Variants in SLC22A24 observed in about 807,000 individuals in gnomAD.
SLC22A24 encodes steroid transmembrane transporter SLC22A24.
In SLC22A24, 53 loss-of-function variants were observed where a neutral mutation model predicts 49.8. The observed-to-expected ratio is 1.06, with a 90% CI of 0.85 to 1.34. The LOEUF is 1.34. Among genes scored for constraint, SLC22A24 ranks in the 40% most tolerant of loss-of-function variants. The probability of loss-of-function intolerance (pLI) is 0.00; values close to 1 mark genes in which losing one functional copy is unlikely to be tolerated. For missense variants in SLC22A24, 786 were observed against 675.9 expected (o/e 1.16, Z -1.81); for synonymous variants, 302 against 256.4 (o/e 1.18, Z -1.70).
intron 5 of SLC22A24, among the ~76,000 whole-genome samples, chr11:63,100,783 C>T (rs2134648792): frequency 6.6e-6 from 1 of 152,124 alleles, no homozygotes; most frequent in African/African-American, 2.4e-5. Flanking sequence ...GACAAAGGTA[C>T]TAAGAAAATA....
chr11:63,083,860 A>G (rs1024398085), intron 6 of SLC22A24, among the ~76,000 whole-genome samples: 1 of 152,194 alleles, frequency 6.6e-6, no homozygotes. Flanking sequence ...GATGGAAATT[A>G]GGGGAATAGT....
chr11:63,093,694 T>C (rs116243241), intron 6 of SLC22A24, among the ~76,000 whole-genome samples: 32 of 151,980 alleles, frequency 2.1e-4, no homozygotes, highest in African/African-American at 7.2e-4. Context: ...GCCTACCTAA[T>C]TGGGGAAGGT....
intron 2 of SLC22A24, among the ~76,000 whole-genome samples, chr11:63,122,567 T>C (rs1227944372): frequency 1.3e-5 from 2 of 152,130 alleles, no homozygotes; most frequent in Admixed American, 6.5e-5. Flanking sequence ...CAGGCTGGAG[T>C]GCGGTGGTGC....
intron 5 of SLC22A24, among the ~76,000 whole-genome samples, chr11:63,099,035 C>T (rs1350731244): frequency 6.6e-6 from 1 of 152,046 alleles, no homozygotes; most frequent in African/African-American, 2.4e-5. Context: ...AATTCCTAGT[C>T]ACATGCAACT....
At chr11:63,097,375 T>A (rs2212992) in intron 5 of SLC22A24, among the ~76,000 whole-genome samples, 115,748 of 152,112 alleles carry the variant, frequency 0.76, 44,800 homozygotes, top group East Asian at 0.9. Context: ...CCACAGTAAG[T>A]TACCATCTCA....
chr11:63,085,559 A>G (rs2086982488), intron 6 of SLC22A24, among the ~76,000 whole-genome samples: 1 of 152,196 alleles, frequency 6.6e-6, no homozygotes, highest in African/African-American at 2.4e-5. Flanking sequence ...GCATAGTTCC[A>G]TTTTTTGACT....
intron 1 of SLC22A24, among the ~76,000 whole-genome samples, chr11:63,137,421 G>T (rs2087383207): frequency 6.6e-6 from 1 of 152,054 alleles, no homozygotes; most frequent in Non-Finnish European, 1.5e-5. Context: ...TATTTGTCTG[G>T]TTATATTTGA....
At chr11:63,100,023 G>A (rs2087081119) in intron 5 of SLC22A24, among the ~76,000 whole-genome samples, 1 of 152,060 alleles carries the variant, frequency 6.6e-6, no homozygotes, top group Non-Finnish European at 1.5e-5. Context: ...AAAAAGACAA[G>A]GATGCTCATT....
intron 2 of SLC22A24, among the ~76,000 whole-genome samples, chr11:63,129,735 A>G (rs78691104): frequency 6.6e-6 from 1 of 152,052 alleles, no homozygotes. Context: ...TTCTCTTTGT[A>G]GTAACTGTGG....
At chr11:63,108,002 G>C (rs1334017208) in intron 4 of SLC22A24, among the ~76,000 whole-genome samples, 3 of 152,096 alleles carry the variant, frequency 2.0e-5, no homozygotes, top group Non-Finnish European at 4.4e-5. Flanking sequence ...GGGCATCCCT[G>C]TCTTGTGCCA....
chr11:63,124,994 C>T (rs1042264625), intron 2 of SLC22A24, among the ~76,000 whole-genome samples: 4 of 151,596 alleles, frequency 2.6e-5, no homozygotes, highest in Non-Finnish European at 5.9e-5. Flanking sequence ...AGGAGATATA[C>T]CTAATGCTAA....
chr11:63,116,524 A>G (rs1468874699), intron 4 of SLC22A24, among the ~76,000 whole-genome samples: 1 of 152,096 alleles, frequency 6.6e-6, no homozygotes, highest in Non-Finnish European at 1.5e-5. Flanking sequence ...TGATGGTTTT[A>G]AAAATCTTTC....
At chr11:63,119,554 C>G (rs140590230) in intron 2 of SLC22A24, among the ~76,000 whole-genome samples, 218 of 152,270 alleles carry the variant, frequency 1.4e-3, no homozygotes, top group African/African-American at 4.8e-3. Context: ...CTCACCAAAC[C>G]ATCACTGGAA....
rs2087434595 is a variant in SLC22A24, at chr11:63,143,893, A to G, written c.-114T>C. ...ACCATAGTGCCATGTGGATCCTGAC[A>G]CTGCTTTCTTCTTGGTGGGCCCTGC... On this transcript the variant is annotated 5_prime_UTR_variant, in exon 1 of 10. Transcript: ENST00000612278. 3.4e-6 allele frequency: 3 copies of G among 888,034 alleles called. No homozygotes were observed. The highest frequency in any genetic ancestry group is 3.5e-5 in the African/African-American group (2 of 57,026). 55.0% of individuals were successfully genotyped at this position (888,034 alleles called of 1,614,324 possible).
intron 6 of SLC22A24, among the ~76,000 whole-genome samples, chr11:63,089,111 G>T (rs1044380374): frequency 7.9e-5 from 12 of 152,172 alleles, no homozygotes; most frequent in South Asian, 2.1e-4. Context: ...CAAACCCCAA[G>T]ACACATAATT....
chr11:63,094,430 A>G (rs1252372318), intron 6 of SLC22A24, among the ~76,000 whole-genome samples: 1 of 152,030 alleles, frequency 6.6e-6, no homozygotes, highest in African/African-American at 2.4e-5. Context: ...GAATAGTGCC[A>G]CAATAAACAT....
intron 4 of SLC22A24, among the ~76,000 whole-genome samples, chr11:63,106,601 A>T (rs2087123286): frequency 1.3e-5 from 2 of 152,100 alleles, no homozygotes; most frequent in Non-Finnish European, 2.9e-5. Context: ...TTGTTTCCTG[A>T]CTTTTTAATG....
chr11:63,083,522 A>G (rs2086971552), intron 6 of SLC22A24, 65 bp from the exon 7 acceptor site: 4 of 1,336,540 alleles, frequency 3.0e-6, no homozygotes, highest in African/African-American at 2.9e-5. Context: ...ACATTTTCTG[A>G]GATTTTGAAG....
intron 2 of SLC22A24, among the ~76,000 whole-genome samples, chr11:63,132,751 A>C (rs1565044291): frequency 6.6e-6 from 1 of 152,278 alleles, no homozygotes; most frequent in Non-Finnish European, 1.5e-5. Flanking sequence ...GTCAGGCTAC[A>C]TGGGGGCCAG....
Sources: allele counts gnomAD v4.1 joint callset (sites outside exome capture counted in the v4.1 genomes callset), GRCh38; gene constraint gnomAD v4.1.1; transcripts MANE v1.5; gene names NCBI Gene and HGNC (gene_info 2026-07-23, HGNC 2026-07-21).